Variants in SUSD4 observed in about 807,000 individuals in gnomAD.
SUSD4 encodes the protein sushi domain-containing protein 4.
Under a neutral mutation model 50.5 loss-of-function variants are expected in SUSD4, and 41 were observed. That is an observed-to-expected ratio of 0.81 (90% CI 0.63 to 1.05). The LOEUF is 1.05. Among genes scored for constraint, SUSD4 ranks in the 50% least tolerant of loss-of-function variants. The probability of loss-of-function intolerance (pLI) is 0.00; values close to 1 mark genes in which losing one functional copy is unlikely to be tolerated. For missense variants in SUSD4, 580 were observed against 634.7 expected (o/e 0.91, Z 0.93); for synonymous variants, 257 against 257.3 (o/e 1.00, Z 0.01).
intron 5 of SUSD4, among the ~76,000 whole-genome samples, chr1:223,250,698 G>A (rs1462298577): frequency 6.6e-6 from 1 of 152,150 alleles, no homozygotes; most frequent in Non-Finnish European, 1.5e-5. Context: ...GTTAGAGTTC[G>A]GAAAAGCCTT....
At chr1:223,254,905 C>T (rs907084491) in intron 5 of SUSD4, among the ~76,000 whole-genome samples, 4 of 151,992 alleles carry the variant, frequency 2.6e-5, no homozygotes, top group African/African-American at 7.2e-5. Context: ...ATGAACAGTA[C>T]ATGGAAATGA....
At chr1:223,261,202 T>C (rs1014067051) in intron 5 of SUSD4, among the ~76,000 whole-genome samples, 1 of 152,182 alleles carries the variant, frequency 6.6e-6, no homozygotes, top group Non-Finnish European at 1.5e-5. Context: ...GCTGCTGGGA[T>C]TTCTCAGGGA....
chr1:223,362,438 T>C (rs567383219), intron 2 of SUSD4, among the ~76,000 whole-genome samples: 1 of 152,318 alleles, frequency 6.6e-6, no homozygotes, highest in South Asian at 2.1e-4. Context: ...TGGACAGGAA[T>C]GATGGACAGC....
At chr1:223,351,726 T>C (rs1056288029) in intron 2 of SUSD4, among the ~76,000 whole-genome samples, 1 of 152,170 alleles carries the variant, frequency 6.6e-6, no homozygotes, top group Non-Finnish European at 1.5e-5. Flanking sequence ...TCCAAGTCCA[T>C]GCATCATCCT....
intron 6 of SUSD4, among the ~76,000 whole-genome samples, chr1:223,228,625 C>A (rs989656390): frequency 6.6e-6 from 1 of 152,164 alleles, no homozygotes; most frequent in South Asian, 2.1e-4. Flanking sequence ...CTATGAAGCC[C>A]TGAAGCTTGC....
chr1:223,349,152 G>A (rs1386677436), intron 2 of SUSD4, among the ~76,000 whole-genome samples: 1 of 152,202 alleles, frequency 6.6e-6, no homozygotes, highest in Non-Finnish European at 1.5e-5. Flanking sequence ...GAATCATTCA[G>A]AGGTTTTAAC....
chr1:223,324,684 T>C (rs936890521), intron 2 of SUSD4, among the ~76,000 whole-genome samples: 2 of 150,524 alleles, frequency 1.3e-5, no homozygotes, highest in African/African-American at 4.9e-5. Context: ...CTTTATCTAG[T>C]AGGGCAGCAA....
At chr1:223,224,416 T>A (rs1184830800) in intron 7 of SUSD4, among the ~76,000 whole-genome samples, 1 of 152,114 alleles carries the variant, frequency 6.6e-6, no homozygotes, top group Non-Finnish European at 1.5e-5. Context: ...CCTATGCTCA[T>A]CATGTTTCTT....
intron 6 of SUSD4, among the ~76,000 whole-genome samples, chr1:223,228,558 C>T (rs971214548): frequency 5.3e-5 from 8 of 152,164 alleles, no homozygotes; most frequent in Non-Finnish European, 8.8e-5. Flanking sequence ...TGGTCACTAC[C>T]CAGGTGCACT....
At chr1:223,321,122 A>G (rs1666546851) in intron 2 of SUSD4, among the ~76,000 whole-genome samples, 1 of 151,934 alleles carries the variant, frequency 6.6e-6, no homozygotes, top group African/African-American at 2.4e-5. Context: ...CCATTGCCCT[A>G]CTCCACAAGA....
chr1:223,319,260 C>T (rs955316649), intron 2 of SUSD4, among the ~76,000 whole-genome samples: 2 of 125,848 alleles, frequency 1.6e-5, no homozygotes, highest in Non-Finnish European at 3.3e-5. Context: ...ACTTCATGTC[C>T]AAAACACCAA....
intron 2 of SUSD4, among the ~76,000 whole-genome samples, chr1:223,303,011 G>T (rs1260924249): frequency 6.6e-6 from 1 of 152,166 alleles, no homozygotes; most frequent in Non-Finnish European, 1.5e-5. Flanking sequence ...ATCTGGGCAT[G>T]GTGGTATGCT....
chr1:223,347,300 T>G (rs896335484), intron 2 of SUSD4, among the ~76,000 whole-genome samples: 36 of 152,212 alleles, frequency 2.4e-4, no homozygotes. Context: ...GTCTCATTCA[T>G]TCTTTCCAAT....
chr1:223,248,288 C>A (rs1160240896), intron 5 of SUSD4, among the ~76,000 whole-genome samples: 1 of 152,164 alleles, frequency 6.6e-6, no homozygotes, highest in African/African-American at 2.4e-5. Context: ...ATCAAGACAG[C>A]CCAGCATGTT....
At chr1:223,363,503 G>C in intron 1 of SUSD4, 43 bp from the exon 2 acceptor site, 1 of 1,391,106 alleles carries the variant, frequency 7.2e-7, no homozygotes, top group Non-Finnish European at 9.5e-7. Flanking sequence ...AGTCTGTCCG[G>C]GCTCGGGGGC....
intron 5 of SUSD4, among the ~76,000 whole-genome samples, chr1:223,252,798 C>T (rs1322505771): frequency 2.6e-5 from 4 of 151,690 alleles, no homozygotes; most frequent in Admixed American, 6.6e-5. Flanking sequence ...ATGGAGAAGA[C>T]GGGGTCAGAA....
In SUSD4 at chr1:223,229,958, G is replaced by A. The variant is rs1659781864; in HGVS notation, c.725-570C>T. On this transcript the variant is annotated intron_variant, in intron 5 of 8. Coordinates refer to ENST00000366878, the MANE Select transcript of SUSD4 (RefSeq NM_017982.4). This position sits in a 1 kb window ranked among gnomAD's most constrained non-coding sequence, Gnocchi z 4.7. ...CAGCCTCCAGGGCAACCAGAGTTAG[G>A]TGCCTTGGGCATGAGGCTTGGTTCT... Among the ~76,000 whole-genome samples, 1 of 152,176 alleles carries A rather than the reference G, an allele frequency of 6.6e-6. No homozygotes were observed. Among genetic ancestry groups the A allele is most frequent in the Non-Finnish European group, 1.5e-5 (1 of 68,030 alleles).
rs1247074597 is a variant in SUSD4, at chr1:223,229,598, G to A, written c.725-210C>T. 2.4e-5 allele frequency: 12 copies of A among 505,818 alleles called. No homozygotes were observed. Among genetic ancestry groups the A allele is most frequent in the Non-Finnish European group, 3.5e-5 (10 of 288,170 alleles). 31.3% of individuals were successfully genotyped at this position (505,818 alleles called of 1,614,324 possible). A position where few individuals can be genotyped will look rare whatever the true frequency, so the allele number is the denominator to read the frequency against. On this transcript the variant is annotated intron_variant, in intron 5 of 8. Coordinates refer to ENST00000366878, the MANE Select transcript of SUSD4 (RefSeq NM_017982.4). The surrounding 1 kb of genome is among the most constrained non-coding windows in gnomAD (Gnocchi z 4.7). ...TGCTGTAATATTCTGAGCACGTGCC[G>A]TTGTGACATGGCATTGTGAAGTACA...
chr1:223,300,059 C>CT (rs1665083303), intron 2 of SUSD4, among the ~76,000 whole-genome samples: 1 of 152,200 alleles, frequency 6.6e-6, no homozygotes, highest in African/African-American at 2.4e-5. Context: ...AGAGGATGCT[C>CT]TTTCTCTCTG....
Sources: gnomAD v4.1 joint callset for allele counts (sites outside exome capture counted in the v4.1 genomes callset) on GRCh38, gnomAD v4.1.1 for gene constraint, Gnocchi (gnomAD v3.1) non-coding constraint, MANE v1.5 for transcripts, NCBI Gene and HGNC (gene_info 2026-07-23, HGNC 2026-07-21) for gene names.